CENPC: variants seen among roughly 807,000 people sequenced by gnomAD.
The protein encoded by CENPC is CENP-C 1.
Under a neutral mutation model 112.1 loss-of-function variants are expected in CENPC, and 63 were observed. That is an observed-to-expected ratio of 0.56 (90% CI 0.46 to 0.69). The LOEUF is 0.69. Ranked by LOEUF, CENPC falls within the 30% of genes least tolerant of loss-of-function variation. CENPC has a pLI of 0.00. For synonymous variants in CENPC, 333 were observed against 367.6 expected (o/e 0.91, Z 1.08); for missense variants, 1,000 against 1,103.8 (o/e 0.91, Z 1.33).
At chr4:67,502,204 G>A (rs1725609126) in intron 12 of CENPC, among the ~76,000 whole-genome samples, 1 of 152,006 alleles carries the variant, frequency 6.6e-6, no homozygotes, top group Non-Finnish European at 1.5e-5. Flanking sequence ...AAAAAATCCT[G>A]AGTCCTTGCT....
At chr4:67,544,227 C>CT in intron 1 of CENPC, 32 bp from the exon 2 acceptor site, 1 of 1,295,342 alleles carries the variant, frequency 7.7e-7, no homozygotes, top group Non-Finnish European at 1.1e-6. Context: ...AATTTGGTTT[C>CT]TTTAAGATAG....
At chr4:67,540,730 A>G (rs915626017) in intron 3 of CENPC, among the ~76,000 whole-genome samples, 6 of 152,208 alleles carry the variant, frequency 3.9e-5, no homozygotes, top group African/African-American at 1.4e-4. Flanking sequence ...ATGGACTTCC[A>G]GATTACAGTA....
intron 12 of CENPC, among the ~76,000 whole-genome samples, chr4:67,501,047 C>A (rs1725577153): frequency 6.6e-6 from 1 of 152,184 alleles, no homozygotes; most frequent in Non-Finnish European, 1.5e-5. Context: ...GTGGCTCACA[C>A]CTGTAATCCC....
At chr4:67,483,849 T>C (rs1417248996) in intron 17 of CENPC, among the ~76,000 whole-genome samples, 2 of 152,178 alleles carry the variant, frequency 1.3e-5, no homozygotes, top group African/African-American at 4.8e-5. Context: ...CCAAACAGTA[T>C]GGTTGAATTT....
chr4:67,476,593 G>T (rs1329066529), intron 17 of CENPC, among the ~76,000 whole-genome samples: 6 of 152,154 alleles, frequency 3.9e-5, no homozygotes, highest in Non-Finnish European at 1.5e-5. Flanking sequence ...TGGAACTGGG[G>T]GAGGACCACA....
In CENPC at chr4:67,519,242, C is replaced by T; in HGVS notation, c.592G>A (p.Glu198Lys). ...NSVNMLPSST[E>K]VSVKTKKRLN... ...CTTTTTTTGGTTTTAACTGAAACCTCTGTACTTGAAGGCAGCATATTTACT... is the reference window on the plus strand; with the variant it reads ...CTTTTTTTGGTTTTAACTGAAACCTTTGTACTTGAAGGCAGCATATTTACT... The change falls in exon 6 of 19, where the codon GAG becomes AAG. Residue 198 changes from glutamate (E) to lysine (K), a missense_variant. Coordinates refer to ENST00000273853, the MANE Select transcript of CENPC (RefSeq NM_001812.4). 6.3e-7 allele frequency: 1 copy of T among 1,576,230 alleles called. No individual in the cohort carries two copies. Among genetic ancestry groups the T allele is most frequent in the African/African-American group, 1.3e-5 (1 of 74,286 alleles).
At chr4:67,493,454 T>C (rs904830716) in intron 14 of CENPC, 3 of 175,654 alleles carry the variant, frequency 1.7e-5, no homozygotes, top group Admixed American at 5.8e-5. Flanking sequence ...GAGACCAGCC[T>C]GGACAACATA....
intron 10 of CENPC, 106 bp from the exon 11 acceptor site, chr4:67,507,040 C>T (rs1046178688): frequency 1.8e-5 from 13 of 710,108 alleles, no homozygotes; most frequent in South Asian, 1.8e-4. Context: ...TTGGCTATAA[C>T]GAATATCAGA....
chr4:67,530,120 A>C (rs1049130425), intron 5 of CENPC, among the ~76,000 whole-genome samples: 2 of 152,212 alleles, frequency 1.3e-5, no homozygotes, highest in African/African-American at 4.8e-5. Context: ...AAAGGTTTTC[A>C]GATGAAAAAT....
chr4:67,496,548 T>A (rs901529019), intron 12 of CENPC, among the ~76,000 whole-genome samples: 4 of 152,070 alleles, frequency 2.6e-5, no homozygotes, highest in Admixed American at 2.6e-4. Flanking sequence ...CTCAAATGAG[T>A]CCATGAAAGC....
At chr4:67,482,737 G>T (rs1211594984) in intron 17 of CENPC, among the ~76,000 whole-genome samples, 1 of 152,204 alleles carries the variant, frequency 6.6e-6, no homozygotes, top group Admixed American at 6.5e-5. Flanking sequence ...GGACTTTGAG[G>T]ACTCAGGGGG....
At position 67,515,696 on chromosome 4, in the gene CENPC, G is replaced by A. The variant is rs530376687; in HGVS notation, c.831-1009C>T. 1.1e-3 allele frequency among the ~76,000 whole-genome samples: 160 copies of A among 152,012 alleles called. 4 individuals carry two copies. The highest frequency in any genetic ancestry group is 3.5e-3 in the African/African-American group (146 of 41,320). ...TGTAGCAACTTATGACAGCATGTGTGTAAAAATGCATTCCAAGTTTGGGTA... is the reference window on the plus strand; with the variant it reads ...TGTAGCAACTTATGACAGCATGTGTATAAAAATGCATTCCAAGTTTGGGTA... On this transcript the variant is annotated intron_variant, in intron 7 of 18. Coordinates refer to ENST00000273853, the MANE Select transcript of CENPC (RefSeq NM_001812.4).
Position 67,492,894 on chromosome 4 carries a change from C to A in CENPC, c.2394G>T (p.Arg798Ser). 6.4e-7 allele frequency: 1 copy of A among 1,569,074 alleles called. No individual in the cohort carries two copies. Among genetic ancestry groups the A allele is most frequent in the Non-Finnish European group, 8.7e-7 (1 of 1,152,738 alleles). ...TTCTTTCATCGTTATCAAGACAGAT[C>A]CTTTTCTTATTAGATTTTTTGTTGA... ...GKVNKKSNKKRICLDNDERKT... is the reference protein window; with the variant it reads ...GKVNKKSNKKSICLDNDERKT... The change falls in exon 15 of 19, where the codon AGG becomes AGT. Residue 798 changes from arginine to serine, a missense_variant. Arg to Ser is a moderately radical substitution (Grantham distance 110). Coordinates refer to ENST00000273853, the MANE Select transcript of CENPC (RefSeq NM_001812.4).
chr4:67,481,206 A>G (rs1724948260), intron 17 of CENPC, among the ~76,000 whole-genome samples: 1 of 152,202 alleles, frequency 6.6e-6, no homozygotes, highest in Non-Finnish European at 1.5e-5. Context: ...GCCACAAATA[A>G]TAATAATAAT....
chr4:67,521,038 T>C (rs77048938), intron 5 of CENPC, among the ~76,000 whole-genome samples: 95,512 of 150,978 alleles, frequency 0.63, 30,401 homozygotes, highest in East Asian at 0.81. Context: ...AATAAATAAA[T>C]AAATAAATAA....
intron 9 of CENPC, among the ~76,000 whole-genome samples, chr4:67,511,342 A>G (rs752037120): frequency 6.6e-6 from 1 of 152,158 alleles, no homozygotes; most frequent in Non-Finnish European, 1.5e-5. Flanking sequence ...CTAATCATTC[A>G]CTTATTAATC....
At chr4:67,518,541 C>T (rs1183191084) in intron 6 of CENPC, among the ~76,000 whole-genome samples, 173 bp from the exon 7 acceptor site, 1 of 151,924 alleles carries the variant, frequency 6.6e-6, no homozygotes, top group Admixed American at 6.6e-5. Flanking sequence ...ATAAACTGCT[C>T]AGGAAAATTA....
Position 67,503,958 on chromosome 4 carries a change from T to C in CENPC, c.2131+1247A>G, listed in dbSNP as rs184787978. Among the ~76,000 whole-genome samples the C allele has an allele frequency of 2.4e-3, 371 of 152,132 alleles. 2 individuals are homozygous for C. Among genetic ancestry groups the C allele is most frequent in the African/African-American group, 8.5e-3 (353 of 41,512 alleles). The stretch of plus-strand genomic sequence containing the variant: ...CTGATATTAAACTAAGCAAAGAATA[T>C]GTATTCATCTTTATATCAGCTTATG... On this transcript the variant is annotated intron_variant, in intron 12 of 18. Coordinates refer to ENST00000273853, the MANE Select transcript of CENPC (RefSeq NM_001812.4).
chr4:67,538,095 C>T (rs1578008706), intron 4 of CENPC, among the ~76,000 whole-genome samples: 1 of 152,238 alleles, frequency 6.6e-6, no homozygotes, highest in East Asian at 1.9e-4. Context: ...TTCATAAAAA[C>T]ACTTCAGGAG....
Sources: gnomAD v4.1 joint callset for allele counts (sites outside exome capture counted in the v4.1 genomes callset) on GRCh38, gnomAD v4.1.1 for gene constraint, MANE v1.5 for transcripts, NCBI Gene and HGNC (gene_info 2026-07-23, HGNC 2026-07-21) for gene names.